COLEC10: variants seen among roughly 807,000 people sequenced by gnomAD.
COLEC10 encodes collectin subfamily member 10.
A neutral mutation model predicts 28.4 loss-of-function variants in COLEC10; 22 were observed. The observed-to-expected ratio is 0.78, with a 90% CI of 0.55 to 1.11. The LOEUF is 1.11. COLEC10 is among the 50% of genes least tolerant of loss of function. COLEC10 has a pLI of 0.00. For synonymous variants in COLEC10, 125 were observed against 116.1 expected (o/e 1.08, Z -0.49); for missense variants, 361 against 344.1 (o/e 1.05, Z -0.39).
At position 119,097,674 on chromosome 8, in the gene COLEC10, A is replaced by G. The variant is rs988975746; in HGVS notation, c.293-4674A>G. On this transcript the variant is annotated intron_variant, in intron 3 of 5. Coordinates refer to ENST00000332843, the MANE Select transcript of COLEC10 (RefSeq NM_006438.5). Reference sequence around the variant, plus strand: ...CATGGATCTGTCCCTATCTGTATCAACTTCGTTAAACCACTGGTTAAAGAC... The same window carrying G: ...CATGGATCTGTCCCTATCTGTATCAGCTTCGTTAAACCACTGGTTAAAGAC... 3.7e-4 allele frequency among the ~76,000 whole-genome samples: 56 copies of G among 152,046 alleles called. 1 individual carries two copies. Among genetic ancestry groups the G allele is most frequent in the African/African-American group, 1.4e-3 (56 of 41,420 alleles).
At chr8:119,016,698 T>A (rs1813997362) in intron 2 of COLEC10, among the ~76,000 whole-genome samples, 1 of 151,860 alleles carries the variant, frequency 6.6e-6, no homozygotes, top group South Asian at 2.1e-4. Context: ...GTTTCCTGAT[T>A]TTTTGTTTCT....
the COLEC10 span, among the ~76,000 whole-genome samples, chr8:118,961,862 G>T: frequency 2.0e-5 from 3 of 152,232 alleles, no homozygotes; most frequent in African/African-American, 7.2e-5. Flanking sequence ...ATTTTTTAAT[G>T]CCCTACTCTG....
At chr8:119,004,480 T>C (rs1813753406) in intron 1 of COLEC10, among the ~76,000 whole-genome samples, 2 of 151,660 alleles carry the variant, frequency 1.3e-5, no homozygotes, top group African/African-American at 4.8e-5. Flanking sequence ...ATGCTATTAA[T>C]TCTCATGCTA....
chr8:119,023,287 A>T (rs1814130242), intron 2 of COLEC10, among the ~76,000 whole-genome samples: 3 of 152,186 alleles, frequency 2.0e-5, no homozygotes, highest in Admixed American at 1.3e-4. Flanking sequence ...CCCAATATAT[A>T]GTCCAAGAAT....
At chr8:119,069,630 ATATATATATATATATATAT>A (rs1187182606) in intron 1 of COLEC10, among the ~76,000 whole-genome samples, 6 of 28,890 alleles carry the variant, frequency 2.1e-4, no homozygotes, top group Non-Finnish European at 3.0e-4. Flanking sequence ...AAAAAAAAAA[ATATATATATATATATATAT>A]ATATATATAT....
intron 1 of COLEC10, among the ~76,000 whole-genome samples, chr8:119,004,586 T>C (rs1029477496): frequency 1.4e-4 from 21 of 151,118 alleles, no homozygotes; most frequent in Non-Finnish European, 1.3e-4. Context: ...TGCTTGAATA[T>C]ATCAATCAAG....
intron 1 of COLEC10, among the ~76,000 whole-genome samples, chr8:119,006,509 A>C (rs1380443642): frequency 6.6e-6 from 1 of 152,066 alleles, no homozygotes; most frequent in African/African-American, 2.4e-5. Flanking sequence ...ATCTATTTTA[A>C]ATACCATTAC....
At chr8:119,086,701 G>C (rs1240696636) in intron 1 of COLEC10, among the ~76,000 whole-genome samples, 1 of 152,202 alleles carries the variant, frequency 6.6e-6, no homozygotes, top group East Asian at 1.9e-4. Flanking sequence ...GCTTATAGAA[G>C]GGGAAGAAGG....
At chr8:119,031,925 T>C (rs1353855752) in intron 2 of COLEC10, among the ~76,000 whole-genome samples, 1 of 152,208 alleles carries the variant, frequency 6.6e-6, no homozygotes, top group Non-Finnish European at 1.5e-5. Flanking sequence ...TAAAATTAAT[T>C]TGGTACTTTT....
rs530088442 is a variant in COLEC10, at chr8:119,019,113, G to A, written n.235+9560G>A. Among the ~76,000 whole-genome samples, 47 of 152,274 alleles carry A rather than the reference G, an allele frequency of 3.1e-4. 1 individual carries two copies. The South Asian group carries it at 3.1e-3, about 10-fold the overall frequency. On this transcript the variant is annotated intron_variant and non_coding_transcript_variant, in intron 2 of 6. Transcript: ENST00000521788. ...TCTAAGCTTCTATGTTTAGCATGTT[G>A]TATGTGTAATGAATCATAGTGTCCA... is the stretch of plus-strand genomic sequence containing the variant.
At chr8:119,011,667 T>A (rs915055590) in intron 2 of COLEC10, among the ~76,000 whole-genome samples, 1 of 150,982 alleles carries the variant, frequency 6.6e-6, no homozygotes, top group Non-Finnish European at 1.5e-5. Flanking sequence ...TATACAAATG[T>A]TGCACATATT....
intron 2 of COLEC10, among the ~76,000 whole-genome samples, chr8:119,062,044 GAAAC>G: frequency 6.6e-6 from 1 of 152,204 alleles, no homozygotes; most frequent in African/African-American, 2.4e-5. Flanking sequence ...AACCTAGAGA[GAAAC>G]AAAATTAGTA....
chr8:119,017,561 T>C (rs1422043709), intron 2 of COLEC10, among the ~76,000 whole-genome samples: 1 of 152,164 alleles, frequency 6.6e-6, no homozygotes, highest in Non-Finnish European at 1.5e-5. Context: ...GTACATGTGA[T>C]TGAGGAACAC....
At chr8:119,004,187 C>G (rs1440308497) in intron 1 of COLEC10, among the ~76,000 whole-genome samples, 1 of 151,970 alleles carries the variant, frequency 6.6e-6, no homozygotes, top group African/African-American at 2.4e-5. Context: ...GCTTTGACCC[C>G]TGGGGAAATA....
intron 1 of COLEC10, among the ~76,000 whole-genome samples, chr8:118,999,751 G>A (rs1289650843): frequency 6.6e-6 from 1 of 152,140 alleles, no homozygotes; most frequent in African/African-American, 2.4e-5. Context: ...TTTTGTGCAA[G>A]GTAGGACAAA....
the COLEC10 span, among the ~76,000 whole-genome samples, chr8:118,978,606 A>C: frequency 6.6e-6 from 1 of 152,028 alleles, no homozygotes; most frequent in Non-Finnish European, 1.5e-5. Flanking sequence ...AGTTCATATT[A>C]CTGTAATTTA....
chr8:119,051,777 G>A (rs1006780820), intron 2 of COLEC10, among the ~76,000 whole-genome samples: 1 of 152,074 alleles, frequency 6.6e-6, no homozygotes, highest in Non-Finnish European at 1.5e-5. Context: ...TTTTTAACAC[G>A]TTGAAGGAAT....
chr8:118,960,736 G>A, the COLEC10 span, among the ~76,000 whole-genome samples: 11 of 143,710 alleles, frequency 7.7e-5, no homozygotes, highest in Non-Finnish European at 1.5e-5. Context: ...GCACTGAGCC[G>A]AGATTGTGCC....
At chr8:118,968,088 TAG>T in the COLEC10 span, among the ~76,000 whole-genome samples, 1 of 152,050 alleles carries the variant, frequency 6.6e-6, no homozygotes, top group South Asian at 2.1e-4. Context: ...AAAATAAAAT[TAG>T]ATATTTGTTT....
Sources: allele counts gnomAD v4.1 joint callset (sites outside exome capture counted in the v4.1 genomes callset), GRCh38; gene constraint gnomAD v4.1.1; transcripts MANE v1.5; gene names NCBI Gene and HGNC (gene_info 2026-07-23, HGNC 2026-07-21).